Variants in PAMR1 observed in about 807,000 individuals in gnomAD.
The protein encoded by PAMR1 is inactive serine protease PAMR1.
Under a neutral mutation model 81.8 loss-of-function variants are expected in PAMR1, and 88 were observed. The ratio of observed to expected loss-of-function variants is 1.08; its 90% confidence interval spans 0.91 to 1.28. The LOEUF is 1.28. Ranked by LOEUF, PAMR1 falls within the 50% of genes most tolerant of loss-of-function variation. The pLI is 0.00. For missense variants in PAMR1, 935 were observed against 919.7 expected (o/e 1.02, Z -0.21); for synonymous variants, 336 against 345.3 (o/e 0.97, Z 0.30).
chr11:35,520,238 C>T (rs1007102760), intron 1 of PAMR1, among the ~76,000 whole-genome samples: 3 of 152,150 alleles, frequency 2.0e-5, no homozygotes, highest in African/African-American at 4.8e-5. Flanking sequence ...TCTCAACCCA[C>T]GTGGGCCCTG....
chr11:35,474,795 G>C lies in PAMR1; in HGVS notation c.380-51C>G, dbSNP rs1850257170. ...CATAAAAATGGAGGTCAATAGGAAAGAGACTAGAGAAGGTCTCAACGAGAC... is the reference window on the plus strand; with the variant it reads ...CATAAAAATGGAGGTCAATAGGAAACAGACTAGAGAAGGTCTCAACGAGAC... On this transcript the variant is annotated intron_variant, in intron 3 of 10. Coordinates refer to ENST00000619888, the MANE Select transcript of PAMR1 (RefSeq NM_001001991.3). 7.2e-6 allele frequency: 9 copies of C among 1,250,370 alleles called. No homozygotes were observed. The East Asian group carries it at 2.1e-4, about 29-fold the overall frequency. 77.5% of individuals were successfully genotyped at this position (1,250,370 alleles called of 1,614,324 possible).
chr11:35,467,494 G>A (rs1191361643), intron 6 of PAMR1, among the ~76,000 whole-genome samples: 2 of 152,198 alleles, frequency 1.3e-5, no homozygotes, highest in South Asian at 2.1e-4. Flanking sequence ...TGACCATATA[G>A]TTTGTCATCC....
chr11:35,520,351 T>C (rs1851248360), intron 1 of PAMR1, among the ~76,000 whole-genome samples: 3 of 152,314 alleles, frequency 2.0e-5, no homozygotes, highest in African/African-American at 7.2e-5. Flanking sequence ...CAACTCCAAT[T>C]CTCTGCCTTC....
intron 5 of PAMR1, among the ~76,000 whole-genome samples, chr11:35,468,419 T>C (rs1490441904): frequency 6.6e-6 from 1 of 152,204 alleles, no homozygotes; most frequent in Non-Finnish European, 1.5e-5. Flanking sequence ...TGCTTGTATC[T>C]CTCCCATAGG....
At chr11:35,473,100 T>C (rs78105856) in intron 4 of PAMR1, among the ~76,000 whole-genome samples, 4,446 of 152,112 alleles carry the variant, frequency 0.029, 113 homozygotes, top group Admixed American at 0.08. Context: ...GGATGGACTA[T>C]TTTTCAAGCA....
intron 1 of PAMR1, among the ~76,000 whole-genome samples, chr11:35,520,394 G>A (rs1851249401): frequency 6.6e-6 from 1 of 152,138 alleles, no homozygotes; most frequent in African/African-American, 2.4e-5. Context: ...TATGAGATCT[G>A]GTGTGTCCTG....
rs760513354 is a variant in PAMR1, at chr11:35,494,134, T to C, written c.212A>G (p.Asn71Ser). ...GCAGGAGTCACACTCATTCTCCTCA[T>C]TCCTGCAGCAAGGGATGGTATAACC... ...VVGYTIPCCR[N>S]EENECDSCLI... The change falls in exon 2 of 11, where the codon AAT (asparagine) becomes AGT (serine). Residue 71 changes from asparagine (N) to serine (S), a missense_variant. Asn to Ser is a conservative substitution (Grantham distance 46). Coordinates refer to ENST00000619888, the MANE Select transcript of PAMR1 (RefSeq NM_001001991.3). The C allele has an allele frequency of 6.2e-7, 1 of 1,614,176 alleles. No homozygotes were observed. Among genetic ancestry groups the C allele is most frequent in the East Asian group, 2.2e-5 (1 of 44,882 alleles).
In PAMR1 at chr11:35,447,494, C is replaced by T. The variant is rs112778181; in HGVS notation, c.821-5801G>A. ...CTGGGGTTACAGGCGTGAGCCATTG[C>T]GCCTGGCCTTCCTCCATCCTTTTAT... is the stretch of plus-strand genomic sequence containing the variant. On this transcript the variant is annotated intron_variant, in intron 6 of 10. Coordinates refer to ENST00000619888, the MANE Select transcript of PAMR1 (RefSeq NM_001001991.3). Among the ~76,000 whole-genome samples the T allele has an allele frequency of 7.9e-3, 1,208 of 152,172 alleles. 14 individuals are homozygous for T. The highest frequency in any genetic ancestry group is 0.028 in the African/African-American group (1,153 of 41,526).
chr11:35,460,370 C>A (rs1276534010), intron 6 of PAMR1, among the ~76,000 whole-genome samples: 1 of 151,116 alleles, frequency 6.6e-6, no homozygotes, highest in African/African-American at 2.4e-5. Context: ...TACATGTGCA[C>A]AACGTGCAGG....
intron 1 of PAMR1, among the ~76,000 whole-genome samples, chr11:35,525,228 G>A (rs1048401550): frequency 1.3e-5 from 2 of 152,156 alleles, no homozygotes; most frequent in Admixed American, 1.3e-4. Context: ...GATAAAAAGA[G>A]CAAATAAAAT....
chr11:35,459,936 T>G (rs917292403), intron 6 of PAMR1, among the ~76,000 whole-genome samples: 5 of 152,236 alleles, frequency 3.3e-5, no homozygotes, highest in African/African-American at 1.2e-4. Flanking sequence ...GTGCAGGTAA[T>G]CAAAGTATCT....
At chr11:35,493,278 A>G (rs1850662942) in intron 2 of PAMR1, among the ~76,000 whole-genome samples, 1 of 152,194 alleles carries the variant, frequency 6.6e-6, no homozygotes, top group Non-Finnish European at 1.5e-5. Context: ...CTTCTTTACT[A>G]AAAGATTTCC....
At chr11:35,436,201 C>T (rs905559660) in intron 8 of PAMR1, 66 bp from the exon 9 acceptor site, 1 of 940,922 alleles carries the variant, frequency 1.1e-6, no homozygotes, top group Middle Eastern at 2.7e-4. Context: ...GCCTCTTTAG[C>T]ATTCATGCCA....
chr11:35,522,218 G>A (rs970917416), intron 1 of PAMR1, among the ~76,000 whole-genome samples: 10 of 152,184 alleles, frequency 6.6e-5, no homozygotes, highest in Admixed American at 6.5e-4. Flanking sequence ...CACTGCGCCT[G>A]CCTCAAATCG....
At chr11:35,481,789 T>G (rs1371940272) in intron 3 of PAMR1, among the ~76,000 whole-genome samples, 1 of 152,218 alleles carries the variant, frequency 6.6e-6, no homozygotes. Context: ...CCCAAAGTGC[T>G]GGTATTACAG....
At chr11:35,451,939 C>A (rs374826789) in intron 6 of PAMR1, 36 of 692,254 alleles carry the variant, frequency 5.2e-5, no homozygotes, top group Non-Finnish European at 8.2e-5. Context: ...GCCTCCAGAA[C>A]TGTGAGAAAT....
At chr11:35,444,668 T>C (rs1856253970) in intron 6 of PAMR1, among the ~76,000 whole-genome samples, 2 of 152,182 alleles carry the variant, frequency 1.3e-5, no homozygotes, top group African/African-American at 4.8e-5. Flanking sequence ...TGTGGTCTTA[T>C]TTCTGAGGTC....
chr11:35,456,100 CAG>C (rs1357761314), intron 6 of PAMR1, among the ~76,000 whole-genome samples: 1 of 152,082 alleles, frequency 6.6e-6, no homozygotes, highest in African/African-American at 2.4e-5. Context: ...AGGAGAAAGA[CAG>C]AGAGAGAGCA....
upstream of PAMR1, chr11:35,526,093 A>G (rs2135431991): frequency 6.3e-6 from 1 of 159,000 alleles, no homozygotes; most frequent in Middle Eastern, 3.2e-3. Context: ...GGAGTTGGTG[A>G]TGGGAGGAGA....
Sources: allele counts gnomAD v4.1 joint callset (sites outside exome capture counted in the v4.1 genomes callset), GRCh38; gene constraint gnomAD v4.1.1; transcripts MANE v1.5; gene names NCBI Gene and HGNC (gene_info 2026-07-23, HGNC 2026-07-21).